SRRM4: variants seen among roughly 807,000 people sequenced by gnomAD.
SRRM4 encodes the protein serine/arginine repetitive matrix protein 4.
Under a neutral mutation model 68.9 loss-of-function variants are expected in SRRM4, and 33 were observed. The ratio of observed to expected loss-of-function variants is 0.48; its 90% CI spans 0.36 to 0.64. SRRM4 has a LOEUF of 0.64. Among genes scored for constraint, SRRM4 ranks in the 30% least tolerant of loss-of-function variants. The pLI is 0.00. For missense variants in SRRM4, 817 were observed against 827.1 expected (o/e 0.99, Z 0.15); for synonymous variants, 318 against 318.8 (o/e 1.00, Z 0.03).
intron 7 of SRRM4, among the ~76,000 whole-genome samples, chr12:119,128,388 T>G (rs976817043): frequency 5.9e-5 from 9 of 152,270 alleles, no homozygotes; most frequent in African/African-American, 2.2e-4. Flanking sequence ...TACCCCCACT[T>G]CCTGGCAGCA....
intron 1 of SRRM4, among the ~76,000 whole-genome samples, chr12:118,987,022 C>T (rs763638485): frequency 2.0e-5 from 3 of 152,106 alleles, no homozygotes; most frequent in Non-Finnish European, 2.9e-5. Flanking sequence ...GTTCCTAAGA[C>T]TTTCGCTGAA....
chr12:119,061,825 C>T (rs781541538), intron 1 of SRRM4, among the ~76,000 whole-genome samples: 16 of 151,886 alleles, frequency 1.1e-4, no homozygotes, highest in Non-Finnish European at 2.2e-4. Flanking sequence ...TCCCTGGCCT[C>T]GACACACTAG....
intron 8 of SRRM4, among the ~76,000 whole-genome samples, chr12:119,133,390 CATAGTA>C (rs1330612619): frequency 6.6e-6 from 1 of 152,104 alleles, no homozygotes; most frequent in Non-Finnish European, 1.5e-5. Flanking sequence ...TGGTAGTAGT[CATAGTA>C]ATAGTAGTAT....
chr12:119,052,015 T>TAG (rs1953746270), intron 1 of SRRM4, among the ~76,000 whole-genome samples: 2 of 152,232 alleles, frequency 1.3e-5, no homozygotes, highest in African/African-American at 4.8e-5. Context: ...GCCACACAGC[T>TAG]AGAGTGTTCC....
At chr12:119,074,511 C>G (rs915284909) in intron 1 of SRRM4, among the ~76,000 whole-genome samples, 2 of 152,084 alleles carry the variant, frequency 1.3e-5, no homozygotes, top group African/African-American at 4.8e-5. Flanking sequence ...TGACCTGTAC[C>G]CAGTGGGCTT....
intron 1 of SRRM4, among the ~76,000 whole-genome samples, chr12:119,032,894 G>A (rs528257646): frequency 5.9e-5 from 9 of 152,058 alleles, no homozygotes; most frequent in Middle Eastern, 3.4e-3. Flanking sequence ...CGATTTTGTT[G>A]AGAATTTAAA....
chr12:119,046,024 G>A (rs893759669), intron 1 of SRRM4, among the ~76,000 whole-genome samples: 10 of 151,840 alleles, frequency 6.6e-5, no homozygotes, highest in Admixed American at 2.0e-4. Context: ...GCGACAGAGC[G>A]AGATTCCATC....
chr12:119,063,361 C>T (rs1405443330), intron 1 of SRRM4, among the ~76,000 whole-genome samples: 1 of 152,132 alleles, frequency 6.6e-6, no homozygotes, highest in Non-Finnish European at 1.5e-5. Context: ...ACAAAGGTTC[C>T]TTTTCATGTT....
intron 1 of SRRM4, among the ~76,000 whole-genome samples, chr12:119,036,632 G>C (rs909500493): frequency 4.6e-5 from 7 of 152,194 alleles, no homozygotes; most frequent in African/African-American, 1.7e-4. Context: ...GGAAATGGAT[G>C]ACATCCCTGA....
intron 2 of SRRM4, 101 bp downstream of exon 2, chr12:119,102,483 C>G (rs1954083395): frequency 1.1e-6 from 1 of 910,532 alleles, no homozygotes; most frequent in Non-Finnish European, 1.6e-6. Context: ...CTTTCAAACC[C>G]TTAAATCAAG....
Position 119,102,393 on chromosome 12 carries a change from A to G in SRRM4, c.278+11A>G. On this transcript the variant is annotated intron_variant, in intron 2 of 12. Coordinates refer to ENST00000267260, the MANE Select transcript of SRRM4 (RefSeq NM_194286.4). Reference sequence around the variant, plus strand: ...CACCAGAGGACACAGGTGAGATCCAATGAGGACGTTCAAGTTGAAGATACA... The same window carrying G: ...CACCAGAGGACACAGGTGAGATCCAGTGAGGACGTTCAAGTTGAAGATACA... 1.9e-6 allele frequency: 3 copies of G among 1,599,934 alleles called. No individual in the cohort carries two copies. The highest frequency in any genetic ancestry group is 2.6e-6 in the Non-Finnish European group (3 of 1,171,512).
At chr12:119,123,968 G>A (rs1364553560) in intron 6 of SRRM4, among the ~76,000 whole-genome samples, 1 of 152,202 alleles carries the variant, frequency 6.6e-6, no homozygotes, top group African/African-American at 2.4e-5. Flanking sequence ...CCTCCCGCAG[G>A]AGGCAGCATC....
intron 8 of SRRM4, among the ~76,000 whole-genome samples, chr12:119,134,729 C>T (rs1954317935): frequency 6.6e-6 from 1 of 152,200 alleles, no homozygotes; most frequent in African/African-American, 2.4e-5. Context: ...GGGCAGTACC[C>T]ACAACGAACT....
chr12:119,066,720 A>G (rs1393414380), intron 1 of SRRM4, among the ~76,000 whole-genome samples: 2 of 152,238 alleles, frequency 1.3e-5, no homozygotes, highest in Non-Finnish European at 2.9e-5. Context: ...TGTTACCAGA[A>G]GCATTGCCTG....
intron 1 of SRRM4, among the ~76,000 whole-genome samples, chr12:119,051,369 C>T (rs1237952905): frequency 2.0e-5 from 3 of 152,162 alleles, no homozygotes; most frequent in Non-Finnish European, 2.9e-5. Flanking sequence ...AAAGTAAACT[C>T]CTACTCTACT....
chr12:119,127,009 T>C (rs1954265206), intron 7 of SRRM4, among the ~76,000 whole-genome samples: 1 of 141,694 alleles, frequency 7.1e-6, no homozygotes, highest in Admixed American at 7.3e-5. Flanking sequence ...AACTGAACAG[T>C]GAGAACACAT....
rs138880447 is a variant in SRRM4, at chr12:119,122,284, C to A, written c.515+164C>A. On this transcript the variant is annotated intron_variant, in intron 6 of 12. Coordinates refer to ENST00000267260, the MANE Select transcript of SRRM4 (RefSeq NM_194286.4). ...GCAGGAAGGCAGGAAGGCAGGAAGGCAGGAAGGCAGGAAGGAAGGAAGGAA... is the reference window on the plus strand; with the variant it reads ...GCAGGAAGGCAGGAAGGCAGGAAGGAAGGAAGGCAGGAAGGAAGGAAGGAA... Among the ~76,000 whole-genome samples the A allele has an allele frequency of 4.6e-3, 451 of 97,734 alleles. 3 individuals carry two copies. The highest frequency in any genetic ancestry group is 0.016 in the African/African-American group (374 of 23,662). 64.1% of individuals were successfully genotyped at this position (97,734 alleles called of 152,430 possible).
intron 1 of SRRM4, among the ~76,000 whole-genome samples, chr12:119,080,697 T>C (rs1010684570): frequency 6.6e-6 from 1 of 152,146 alleles, no homozygotes; most frequent in African/African-American, 2.4e-5. Context: ...TGAACCAAAG[T>C]CATTCTGGGA....
chr12:119,081,417 CGT>C (rs1565904213), intron 1 of SRRM4, among the ~76,000 whole-genome samples: 1 of 152,018 alleles, frequency 6.6e-6, no homozygotes, highest in African/African-American at 2.4e-5. Flanking sequence ...GGGAACAGCC[CGT>C]GCAAAACTCC....
Sources: allele counts gnomAD v4.1 joint callset (sites outside exome capture counted in the v4.1 genomes callset), GRCh38; gene constraint gnomAD v4.1.1; transcripts MANE v1.5; gene names NCBI Gene and HGNC (gene_info 2026-07-23, HGNC 2026-07-21).